OTUD7A: variants seen among roughly 807,000 people sequenced by gnomAD.
The protein encoded by OTUD7A is OTU deubiquitinase 7A.
In OTUD7A, 12 loss-of-function variants were observed where a neutral mutation model predicts 65.7. The observed-to-expected ratio is 0.18, with a 90% CI of 0.12 to 0.30. OTUD7A has a LOEUF of 0.30. Among genes scored for constraint, OTUD7A ranks in the 10% least tolerant of loss-of-function variants. The probability of loss-of-function intolerance (pLI) is 1.00; values close to 1 mark genes in which losing one functional copy is unlikely to be tolerated. For synonymous variants in OTUD7A, 641 were observed against 586.3 expected, an observed-to-expected ratio of 1.09 and a Z score of -1.35; for missense variants, 1,148 against 1,304.8, an observed-to-expected ratio of 0.88 and a Z score of 1.85.
intron 8 of OTUD7A, among the ~76,000 whole-genome samples, chr15:31,511,099 TATATCTATATGTAACATAC>T (rs2041717447): frequency 4.7e-5 from 2 of 42,218 alleles, no homozygotes; most frequent in Non-Finnish European, 8.1e-5. Flanking sequence ...CATACATATG[TATATCTATATGTAACATAC>T]ATATGTATAT....
At chr15:31,592,879 CAAAAAAAA>C (rs1170532149) in intron 3 of OTUD7A, among the ~76,000 whole-genome samples, 9 of 8,544 alleles carry the variant, frequency 1.1e-3, no homozygotes, top group Admixed American at 3.1e-3. Flanking sequence ...GGCTCTGTCT[CAAAAAAAA>C]AAAAAAAAAA....
At chr15:31,796,142 CGTGT>C (rs145581747) in intron 1 of OTUD7A, among the ~76,000 whole-genome samples, 33 of 148,014 alleles carry the variant, frequency 2.2e-4, no homozygotes, top group Non-Finnish European at 3.1e-4. Flanking sequence ...GTAAGGGGTG[CGTGT>C]GTGTGTGTGT....
intron 4 of OTUD7A, among the ~76,000 whole-genome samples, chr15:31,563,325 G>A (rs1888755165): frequency 6.6e-6 from 1 of 152,246 alleles, no homozygotes. Flanking sequence ...AAGGCCCTGA[G>A]CACAAGACCG....
chr15:31,554,770 G>C lies in OTUD7A; in HGVS notation c.550+4199C>G, dbSNP rs530226659. On this transcript the variant is annotated intron_variant, in intron 5 of 12. Coordinates refer to ENST00000307050, the MANE Select transcript of OTUD7A (RefSeq NM_001382637.1). ...TCCCAACCCAGAGACCCCGGTCTCC[G>C]AGCCATCTCCTGTGTAAATGCAGCA... Among the ~76,000 whole-genome samples the C allele has an allele frequency of 1.8e-3, 280 of 152,286 alleles. 1 individual carries two copies. Among genetic ancestry groups the C allele is most frequent in the Middle Eastern group, 0.014 (4 of 294 alleles).
At chr15:31,485,995 G>A (rs1199843405) in intron 12 of OTUD7A, among the ~76,000 whole-genome samples, 1 of 152,152 alleles carries the variant, frequency 6.6e-6, no homozygotes, top group Admixed American at 6.5e-5. Context: ...GTGGACACTC[G>A]GGCTGGGCCA....
intron 1 of OTUD7A, among the ~76,000 whole-genome samples, chr15:31,781,214 A>G (rs1404902394): frequency 2.0e-5 from 3 of 152,214 alleles, no homozygotes; most frequent in Non-Finnish European, 2.9e-5. Flanking sequence ...TGGGTGATGC[A>G]GCCTCGTTCA....
rs542787759 is a variant in OTUD7A at position 31,664,835 on chromosome 15, T to C, written c.-99-7758A>G. ...AATCCCTCTTGAGTTGATTTTTGTA[T>C]AAAGTGAGAGATGAGGATCCTGTTC... On this transcript the variant is annotated intron_variant, in intron 1 of 12. Transcript: ENST00000307050. Among the ~76,000 whole-genome samples the C allele has an allele frequency of 5.9e-5, 9 of 152,318 alleles. No homozygotes were observed. The South Asian group carries it at 1.9e-3, about 32-fold the overall frequency.
chr15:31,603,844 A>G (rs1220346138), intron 3 of OTUD7A, among the ~76,000 whole-genome samples: 4 of 152,224 alleles, frequency 2.6e-5, no homozygotes, highest in Non-Finnish European at 5.9e-5. Context: ...TATGAAAAAA[A>G]GCTCATCATC....
chr15:31,507,968 G>GT (rs2141090895), intron 8 of OTUD7A, among the ~76,000 whole-genome samples: 1 of 152,272 alleles, frequency 6.6e-6, no homozygotes, highest in South Asian at 2.1e-4. Flanking sequence ...GGGTAATTGT[G>GT]TTAATTAGAG....
At chr15:31,741,349 C>T (rs1000895168) in intron 1 of OTUD7A, among the ~76,000 whole-genome samples, 1 of 152,108 alleles carries the variant, frequency 6.6e-6, no homozygotes, top group Non-Finnish European at 1.5e-5. Context: ...TTTTATTACA[C>T]TTTAAGTTCT....
At chr15:31,678,906 G>A (rs1333931090) in intron 1 of OTUD7A, among the ~76,000 whole-genome samples, 2 of 152,202 alleles carry the variant, frequency 1.3e-5, no homozygotes, top group African/African-American at 2.4e-5. Context: ...AGCTTGTACT[G>A]TGCACCTAGA....
intron 1 of OTUD7A, among the ~76,000 whole-genome samples, chr15:31,837,551 A>T (rs1039248942): frequency 9.2e-5 from 14 of 152,182 alleles, no homozygotes; most frequent in African/African-American, 2.7e-4. Context: ...ATCTCAAAAA[A>T]AAATAAATAA....
At chr15:31,676,160 G>C (rs1022039630) in intron 1 of OTUD7A, among the ~76,000 whole-genome samples, 2 of 152,232 alleles carry the variant, frequency 1.3e-5, no homozygotes, top group African/African-American at 4.8e-5. Flanking sequence ...TGGACCTGTG[G>C]AGGAGAACAG....
intron 1 of OTUD7A, among the ~76,000 whole-genome samples, chr15:31,847,119 G>A (rs11637084): frequency 0.32 from 48,378 of 152,142 alleles, 8,388 homozygotes; most frequent in South Asian, 0.56. Flanking sequence ...GGGCCTGCAA[G>A]GGGCTAGCAC....
chr15:31,514,097 A>C (rs2041806908), intron 8 of OTUD7A, among the ~76,000 whole-genome samples: 1 of 140,766 alleles, frequency 7.1e-6, no homozygotes, highest in Non-Finnish European at 1.5e-5. Context: ...TGTGTTGCCC[A>C]GGCTGGAGTG....
In OTUD7A at chr15:31,511,170, TATGTATATCTATATGTAACAC is replaced by T. The variant is rs1484880879; in HGVS notation, c.894-7373_894-7353del. ...TATGTATATCTATATGTAACATACA[TATGTATATCTATATGTAACAC>T]ACATATGTATATCTATATGTAACAC... On this transcript the variant is annotated intron_variant, in intron 8 of 12. Coordinates refer to ENST00000307050, the MANE Select transcript of OTUD7A (RefSeq NM_001382637.1). Among the ~76,000 whole-genome samples, 16 of 8,542 alleles carry T rather than the reference TATGTATATCTATATGTAACAC, an allele frequency of 1.9e-3. 6 individuals are homozygous for T. Among genetic ancestry groups the T allele is most frequent in the African/African-American group, 4.9e-3 (5 of 1,026 alleles). The allele number at this position is 8,542 out of a possible 152,430, so 5.6% of individuals were successfully genotyped here.
At chr15:31,530,999 A>G (rs1049182248) in intron 5 of OTUD7A, among the ~76,000 whole-genome samples, 191 bp from the exon 6 acceptor site, 4 of 152,228 alleles carry the variant, frequency 2.6e-5, no homozygotes, top group Non-Finnish European at 5.9e-5. Context: ...AAGTGGCCAA[A>G]TCCTCCCATC....
At chr15:31,798,677 A>C (rs977047241) in intron 1 of OTUD7A, among the ~76,000 whole-genome samples, 7 of 152,184 alleles carry the variant, frequency 4.6e-5, no homozygotes, top group African/African-American at 1.7e-4. Context: ...AAAAGTAAAC[A>C]ATGAGGCTCA....
At chr15:31,572,253 T>C (rs1889077046) in intron 3 of OTUD7A, among the ~76,000 whole-genome samples, 1 of 152,182 alleles carries the variant, frequency 6.6e-6, no homozygotes, top group Admixed American at 6.5e-5. Flanking sequence ...TCAAACTGTA[T>C]TCCTGTTGTC....
Sources: gnomAD v4.1 joint callset for allele counts (sites outside exome capture counted in the v4.1 genomes callset) on GRCh38, gnomAD v4.1.1 for gene constraint, MANE v1.5 for transcripts, NCBI Gene and HGNC (gene_info 2026-07-23, HGNC 2026-07-21) for gene names.